The following PIAS2 variants were observed in gnomAD, a reference collection of about 807,000 sequenced individuals.
PIAS2 encodes the protein protein inhibitor of activated STAT 2, also known as E3 SUMO-protein ligase PIAS2.
In PIAS2, 19 loss-of-function variants were observed where a neutral mutation model predicts 69.7. The ratio of observed to expected loss-of-function variants is 0.27; its 90% confidence interval spans 0.19 to 0.40. PIAS2 has a LOEUF of 0.40. Ranked by LOEUF, PIAS2 falls within the 10% of genes least tolerant of loss-of-function variation. The probability of loss-of-function intolerance (pLI) is 1.00; values close to 1 mark genes in which losing one functional copy is unlikely to be tolerated. For missense variants in PIAS2, 624 were observed against 757.0 expected, an observed-to-expected ratio of 0.82 and a Z score of 2.06; for synonymous variants, 261 against 263.2, an observed-to-expected ratio of 0.99 and a Z score of 0.08.
At chr18:46,887,199 C>T (rs2053343757) in intron 2 of PIAS2, among the ~76,000 whole-genome samples, 2 of 151,696 alleles carry the variant, frequency 1.3e-5, no homozygotes, top group African/African-American at 4.8e-5. Flanking sequence ...AAATGCAATA[C>T]TCCACTTGCT....
chr18:46,853,566 T>G (rs1295752782), intron 5 of PIAS2: 2 of 152,252 alleles, frequency 1.3e-5, no homozygotes, highest in East Asian at 3.9e-4. Context: ...CCAAGGCAGG[T>G]GGATCACGAG....
chr18:46,864,793 C>T (rs1310267421), intron 2 of PIAS2, among the ~76,000 whole-genome samples: 1 of 151,422 alleles, frequency 6.6e-6, no homozygotes, highest in Non-Finnish European at 1.5e-5. Flanking sequence ...AATACTAATG[C>T]ACAGTAAAAA....
chr18:46,812,373 C>A lies in PIAS2; in HGVS notation c.*60G>T. Reference sequence around the variant, plus strand: ...AAAAAAAAAAGAACGTTTCCACAGACTAGAGATCCAAGAAAAAGCAGTTCT... The same window carrying A: ...AAAAAAAAAAGAACGTTTCCACAGAATAGAGATCCAAGAAAAAGCAGTTCT... On this transcript the variant is annotated 3_prime_UTR_variant, in exon 14 of 14. Coordinates refer to ENST00000585916, the MANE Select transcript of PIAS2 (RefSeq NM_004671.5). 6.5e-6 allele frequency: 6 copies of A among 920,188 alleles called. No homozygotes were observed. The highest frequency in any genetic ancestry group is 1.7e-5 in the African/African-American group (1 of 60,446). 57.0% of individuals were successfully genotyped at this position (920,188 alleles called of 1,614,324 possible). A position where few individuals can be genotyped will look rare whatever the true frequency, so the allele number is the denominator to read the frequency against.
intron 2 of PIAS2, among the ~76,000 whole-genome samples, chr18:46,866,996 C>T (rs2049582393): frequency 6.6e-6 from 1 of 152,156 alleles, no homozygotes; most frequent in Non-Finnish European, 1.5e-5. Context: ...TGAACCTTAA[C>T]ATTTGAAAAG....
rs77411090 is a variant in PIAS2 at position 46,812,973 on chromosome 18, A to G, written c.1687-361T>C. On this transcript the variant is annotated intron_variant, in intron 13 of 13. Coordinates refer to ENST00000585916, the MANE Select transcript of PIAS2 (RefSeq NM_004671.5). ...TGTATTTAGTTGGGTGTCAATTTTG[A>G]AAGAATTGTTGATCTTACACCAGCA... Among the ~76,000 whole-genome samples, 354 of 152,242 alleles carry G rather than the reference A, an allele frequency of 2.3e-3. 5 individuals are homozygous for G. The East Asian group carries it at 0.024, about 10-fold the overall frequency.
At chr18:46,822,341 T>C (rs868360458) in intron 11 of PIAS2, among the ~76,000 whole-genome samples, 3 of 152,184 alleles carry the variant, frequency 2.0e-5, no homozygotes, top group African/African-American at 4.8e-5. Flanking sequence ...GATCAAAAAC[T>C]GATCCATTTA....
intron 8 of PIAS2, among the ~76,000 whole-genome samples, chr18:46,836,903 T>C (rs1375955132): frequency 3.3e-5 from 5 of 152,172 alleles, no homozygotes; most frequent in African/African-American, 7.2e-5. Flanking sequence ...CCAGGAATGA[T>C]AGTATACAAT....
chr18:46,899,641 A>G (rs1185590010), intron 1 of PIAS2, among the ~76,000 whole-genome samples: 1 of 152,140 alleles, frequency 6.6e-6, no homozygotes, highest in African/African-American at 2.4e-5. Context: ...TAATCTTTTT[A>G]ATTTTAGTAA....
chr18:46,896,084 T>C (rs1195768830), intron 1 of PIAS2, among the ~76,000 whole-genome samples: 1 of 134,222 alleles, frequency 7.5e-6, no homozygotes, highest in African/African-American at 2.8e-5. Flanking sequence ...TAAAATAAAG[T>C]AGTCAATTAA....
chr18:46,906,533 T>C (rs975576944), intron 1 of PIAS2, among the ~76,000 whole-genome samples: 1 of 152,148 alleles, frequency 6.6e-6, no homozygotes, highest in African/African-American at 2.4e-5. Flanking sequence ...TTATAAAAAG[T>C]TAATATTTAT....
intron 2 of PIAS2, among the ~76,000 whole-genome samples, chr18:46,867,786 C>G (rs989616005): frequency 6.6e-6 from 1 of 152,180 alleles, no homozygotes; most frequent in Non-Finnish European, 1.5e-5. Flanking sequence ...TTATCAACCT[C>G]CCTTTGAATC....
intron 3 of PIAS2, among the ~76,000 whole-genome samples, chr18:46,861,453 T>C (rs2048651271): frequency 1.3e-5 from 2 of 152,180 alleles, no homozygotes; most frequent in African/African-American, 4.8e-5. Context: ...AGGTGCCTAG[T>C]TGCAAAGTTA....
chr18:46,904,666 A>C (rs1259694182), intron 1 of PIAS2, among the ~76,000 whole-genome samples: 1 of 151,258 alleles, frequency 6.6e-6, no homozygotes, highest in African/African-American at 2.4e-5. Context: ...CAGGAGAATC[A>C]CTTGAACCCA....
At chr18:46,877,785 C>T (rs1229014426) in intron 2 of PIAS2, among the ~76,000 whole-genome samples, 1 of 152,130 alleles carries the variant, frequency 6.6e-6, no homozygotes, top group Non-Finnish European at 1.5e-5. Context: ...GCAAGCAGCA[C>T]CCTTTTGCAG....
chr18:46,897,169 C>G (rs1231826359), intron 1 of PIAS2, among the ~76,000 whole-genome samples: 1 of 152,094 alleles, frequency 6.6e-6, no homozygotes, highest in Non-Finnish European at 1.5e-5. Context: ...TAAAGGTATT[C>G]TAGATTTCAT....
chr18:46,870,287 TCC>T (rs143394128), intron 2 of PIAS2, among the ~76,000 whole-genome samples: 11,640 of 151,840 alleles, frequency 0.077, 481 homozygotes, highest in African/African-American at 0.099. Flanking sequence ...TTGTAAATGC[TCC>T]CCCTTCACTA....
Position 46,810,963 on chromosome 18 carries a change from A to G in PIAS2, c.*1470T>C, listed in dbSNP as rs963447415. 1.3e-5 allele frequency: 2 copies of G among 152,182 alleles called. No individual in the cohort carries two copies. Among genetic ancestry groups the G allele is most frequent in the African/African-American group, 4.8e-5 (2 of 41,448 alleles). The allele number at this position is 152,182 out of a possible 1,614,324, so 9.4% of individuals were successfully genotyped here. On this transcript the variant is annotated 3_prime_UTR_variant, in exon 14 of 14. Transcript: ENST00000585916. Reference sequence around the variant, plus strand: ...AACAGAAAAGTACCAAATCCTTGTGAACTCAAAAATGATTTAGGAAGTCAA... The same window carrying G: ...AACAGAAAAGTACCAAATCCTTGTGGACTCAAAAATGATTTAGGAAGTCAA...
At chr18:46,901,685 A>T (rs1255604988) in intron 1 of PIAS2, among the ~76,000 whole-genome samples, 7 of 152,216 alleles carry the variant, frequency 4.6e-5, no homozygotes, top group African/African-American at 1.7e-4. Flanking sequence ...CATATGATCA[A>T]ATCAATCAAT....
At chr18:46,858,236 A>C (rs1461692958) in intron 3 of PIAS2, among the ~76,000 whole-genome samples, 1 of 151,506 alleles carries the variant, frequency 6.6e-6, no homozygotes, top group Non-Finnish European at 1.5e-5. Flanking sequence ...AAAAAAAAAA[A>C]GCAGAGCAAG....
Sources: allele counts gnomAD v4.1 joint callset (sites outside exome capture counted in the v4.1 genomes callset), GRCh38; gene constraint gnomAD v4.1.1; transcripts MANE v1.5; gene names NCBI Gene and HGNC (gene_info 2026-07-23, HGNC 2026-07-21).